CCSER1: variants seen among roughly 807,000 people sequenced by gnomAD.
CCSER1 encodes the protein coiled-coil serine rich protein 1.
CCSER1 carries 41 observed loss-of-function variants against 82.0 expected under a neutral mutation model. The observed-to-expected ratio is 0.50, with a 90% CI of 0.39 to 0.65. The LOEUF (loss-of-function observed/expected upper bound fraction) is 0.65. Among genes scored for constraint, CCSER1 ranks in the 30% least tolerant of loss-of-function variants. The pLI is 0.00. For missense variants in CCSER1, 1,119 were observed against 1,064.2 expected, an observed-to-expected ratio of 1.05 and a Z score of -0.72; for synonymous variants, 414 against 383.9, an observed-to-expected ratio of 1.08 and a Z score of -0.92.
intron 2 of CCSER1, among the ~76,000 whole-genome samples, chr4:90,309,917 G>A (rs1048765883): frequency 1.3e-5 from 2 of 152,082 alleles, no homozygotes; most frequent in Non-Finnish European, 2.9e-5. Flanking sequence ...TGAATGGAAA[G>A]TAATTGTTTG....
intron 9 of CCSER1, among the ~76,000 whole-genome samples, chr4:90,967,663 C>G (rs564414036): frequency 2.0e-5 from 3 of 151,898 alleles, no homozygotes; most frequent in Admixed American, 2.0e-4. Context: ...GATACAACAC[C>G]TAAAGCACAA....
intron 10 of CCSER1, among the ~76,000 whole-genome samples, chr4:91,264,889 T>C (rs1207912308): frequency 6.6e-6 from 1 of 152,036 alleles, no homozygotes; most frequent in Non-Finnish European, 1.5e-5. Flanking sequence ...TAAAATATTA[T>C]GAAGATATTA....
intron 10 of CCSER1, among the ~76,000 whole-genome samples, chr4:91,522,283 C>T (rs1760518684): frequency 6.6e-6 from 1 of 152,106 alleles, no homozygotes; most frequent in African/African-American, 2.4e-5. Context: ...TTACTGTAGC[C>T]TTGTAGTATA....
chr4:90,774,332 G>C (rs1447065645), intron 7 of CCSER1, among the ~76,000 whole-genome samples: 1 of 151,962 alleles, frequency 6.6e-6, no homozygotes, highest in Non-Finnish European at 1.5e-5. Flanking sequence ...ATTGTGACTT[G>C]ATTTTTCTCT....
intron 6 of CCSER1, among the ~76,000 whole-genome samples, chr4:90,696,920 G>A (rs1260322357): frequency 6.6e-6 from 1 of 152,126 alleles, no homozygotes; most frequent in South Asian, 2.1e-4. Context: ...GGATGGTGCT[G>A]AATTACAGCT....
At chr4:90,144,956 T>G (rs1725521229) in intron 1 of CCSER1, among the ~76,000 whole-genome samples, 1 of 152,168 alleles carries the variant, frequency 6.6e-6, no homozygotes, top group African/African-American at 2.4e-5. Context: ...TGCTGAGTAT[T>G]ATTTCTACAA....
chr4:91,246,250 T>C (rs942171255), intron 10 of CCSER1, among the ~76,000 whole-genome samples: 1 of 151,844 alleles, frequency 6.6e-6, no homozygotes, highest in Admixed American at 6.6e-5. Context: ...TTTCAATTAG[T>C]TTTCTTTTTG....
chr4:91,522,738 T>C (rs1760551541), intron 10 of CCSER1, among the ~76,000 whole-genome samples: 1 of 152,208 alleles, frequency 6.6e-6, no homozygotes, highest in African/African-American at 2.4e-5. Flanking sequence ...CCTGAGACTT[T>C]GCTGAAGTTG....
intron 1 of CCSER1, among the ~76,000 whole-genome samples, chr4:90,219,856 A>C (rs920971513): frequency 5.9e-5 from 9 of 152,196 alleles, no homozygotes; most frequent in Non-Finnish European, 8.8e-5. Flanking sequence ...GATTGCTTCT[A>C]TAAATTAGGA....
At chr4:91,202,476 A>C in intron 10 of CCSER1, among the ~76,000 whole-genome samples, 1 of 152,022 alleles carries the variant, frequency 6.6e-6, no homozygotes, top group Non-Finnish European at 1.5e-5. Flanking sequence ...CATGACTCTA[A>C]GACAGGACAG....
chr4:90,872,103 T>G (rs758949860), intron 8 of CCSER1, among the ~76,000 whole-genome samples: 3 of 151,200 alleles, frequency 2.0e-5, no homozygotes, highest in Non-Finnish European at 4.4e-5. Flanking sequence ...GTTGGGGCTT[T>G]AAAAAAAAAT....
intron 4 of CCSER1, among the ~76,000 whole-genome samples, chr4:90,423,136 A>G (rs548619339): frequency 2.0e-5 from 3 of 152,234 alleles, no homozygotes; most frequent in Non-Finnish European, 4.4e-5. Context: ...ATTAAAATAT[A>G]TATTATTTGG....
intron 8 of CCSER1, among the ~76,000 whole-genome samples, chr4:90,915,269 A>G (rs1045339738): frequency 1.3e-5 from 2 of 152,194 alleles, no homozygotes; most frequent in Non-Finnish European, 2.9e-5. Context: ...ATCCTCAATA[A>G]AATACTGGCA....
At chr4:91,255,753 T>C (rs1253283347) in intron 10 of CCSER1, among the ~76,000 whole-genome samples, 2 of 152,226 alleles carry the variant, frequency 1.3e-5, no homozygotes, top group African/African-American at 2.4e-5. Context: ...ATTGTGAAGA[T>C]TTCATGGACA....
At position 90,266,368 on chromosome 4, in the gene CCSER1, T is replaced by C. The variant is rs559371050; in HGVS notation, c.-41-41876T>C. 2.0e-5 allele frequency among the ~76,000 whole-genome samples: 3 copies of C among 152,240 alleles called. No homozygotes were observed. The East Asian group carries it at 5.8e-4, about 29-fold the overall frequency. ...TATTGTATGTAAATCATTGTTACTC[T>C]CCAGTATGTATAGTATTTTAATCTA... On this transcript the variant is annotated intron_variant, in intron 1 of 10. Transcript: ENST00000509176.
intron 8 of CCSER1, among the ~76,000 whole-genome samples, chr4:90,838,743 G>A (rs112663645): frequency 5.9e-5 from 9 of 152,236 alleles, no homozygotes; most frequent in African/African-American, 2.2e-4. Context: ...AGGCAGGCGC[G>A]GCCTTCGTTG....
chr4:90,652,685 A>T (rs768299680), intron 6 of CCSER1, among the ~76,000 whole-genome samples: 12 of 152,200 alleles, frequency 7.9e-5, no homozygotes, highest in South Asian at 4.1e-4. Flanking sequence ...TGAGTATAAT[A>T]ACTTACAAGC....
chr4:90,134,563 G>A (rs1339160432), intron 1 of CCSER1, among the ~76,000 whole-genome samples: 1 of 152,212 alleles, frequency 6.6e-6, no homozygotes, highest in Non-Finnish European at 1.5e-5. Context: ...TTTTGTGAAT[G>A]TGTGCGTTCA....
chr4:90,322,099 A>G (rs1737246978), intron 3 of CCSER1, among the ~76,000 whole-genome samples: 1 of 152,054 alleles, frequency 6.6e-6, no homozygotes, highest in African/African-American at 2.4e-5. Flanking sequence ...TTTCTTCCAT[A>G]GTTCCATAGT....
Sources: gnomAD v4.1 joint callset for allele counts (sites outside exome capture counted in the v4.1 genomes callset) on GRCh38, gnomAD v4.1.1 for gene constraint, MANE v1.5 for transcripts, NCBI Gene and HGNC (gene_info 2026-07-23, HGNC 2026-07-21) for gene names.